Variants in DNAH10 observed in about 807,000 individuals in gnomAD.
DNAH10 encodes the protein axonemal beta dynein heavy chain 10.
Under a neutral mutation model 506.6 loss-of-function variants are expected in DNAH10, and 348 were observed. That is an observed-to-expected ratio of 0.69 (90% CI 0.63 to 0.75). The LOEUF (loss-of-function observed/expected upper bound fraction) is 0.75. Ranked by LOEUF, DNAH10 falls within the 30% of genes least tolerant of loss-of-function variation. The pLI is 0.00. For missense variants in DNAH10, 5,179 were observed against 5,787.1 expected, an observed-to-expected ratio of 0.89 and a Z score of 3.41; for synonymous variants, 2,059 against 2,198.6, an observed-to-expected ratio of 0.94 and a Z score of 1.78.
At chr12:123,836,344 A>G (rs1216264951) in intron 28 of DNAH10, among the ~76,000 whole-genome samples, 1 of 152,252 alleles carries the variant, frequency 6.6e-6, no homozygotes, top group Non-Finnish European at 1.5e-5. Flanking sequence ...ATTACTCTCC[A>G]GTAATTTGAC....
intron 24 of DNAH10, among the ~76,000 whole-genome samples, chr12:123,823,856 G>A (rs1196849469): frequency 1.3e-5 from 2 of 151,676 alleles, no homozygotes; most frequent in African/African-American, 4.8e-5. Flanking sequence ...CATTCTTTCT[G>A]GTTTTTTTTT....
At chr12:123,814,523 T>G (rs1235079638) in intron 21 of DNAH10, among the ~76,000 whole-genome samples, 1 of 152,140 alleles carries the variant, frequency 6.6e-6, no homozygotes, top group Non-Finnish European at 1.5e-5. Context: ...ATAGAAATGC[T>G]GAAAGACAAA....
At chr12:123,911,274 T>G (rs1954060185) in intron 59 of DNAH10, among the ~76,000 whole-genome samples, 1 of 52,504 alleles carries the variant, frequency 1.9e-5, no homozygotes, top group Admixed American at 1.8e-4. Flanking sequence ...GTGGGGGGTC[T>G]GTCCTGGGGG....
chr12:123,785,247 G>A lies in DNAH10; in HGVS notation c.1231-499G>A, dbSNP rs546447745. ...TTTTTCCGTATCTTCACCACCACTTGTTATCGTCTTTCTGATAATAGCCAT... is the reference window on the plus strand; with the variant it reads ...TTTTTCCGTATCTTCACCACCACTTATTATCGTCTTTCTGATAATAGCCAT... On this transcript the variant is annotated intron_variant, in intron 8 of 78. Coordinates refer to ENST00000673944, the MANE Select transcript of DNAH10 (RefSeq NM_001372106.1). The surrounding 1 kb of genome is among the most constrained non-coding windows in gnomAD (Gnocchi z 4.1). 3.9e-5 allele frequency among the ~76,000 whole-genome samples: 6 copies of A among 152,250 alleles called. No individual in the cohort carries two copies. The South Asian group carries it at 1.2e-3, about 32-fold the overall frequency.
chr12:123,915,217 C>G (rs1055544632), intron 62 of DNAH10, among the ~76,000 whole-genome samples: 4 of 112,224 alleles, frequency 3.6e-5, no homozygotes, highest in Non-Finnish European at 7.5e-5. Flanking sequence ...CTGCCTCTCC[C>G]CTCGCAGGCT....
chr12:123,914,274 T>G, intron 60 of DNAH10, 55 bp from the exon 61 acceptor site: 1 of 1,518,940 alleles, frequency 6.6e-7, no homozygotes, highest in Non-Finnish European at 9.0e-7. Flanking sequence ...GAATGTTCCT[T>G]TTGGTTGTGG....
chr12:123,832,940 G>A (rs1267715389), intron 26 of DNAH10, among the ~76,000 whole-genome samples, 174 bp from the exon 27 acceptor site: 4 of 152,172 alleles, frequency 2.6e-5, no homozygotes, highest in Non-Finnish European at 5.9e-5. Context: ...GCCACATAGC[G>A]AATGCTTGAT....
At chr12:123,855,582 C>T (rs898594360) in intron 36 of DNAH10, among the ~76,000 whole-genome samples, 2 of 147,360 alleles carry the variant, frequency 1.4e-5, no homozygotes, top group South Asian at 2.1e-4. Flanking sequence ...TGCAATGAGC[C>T]GAGATGGCAC....
At chr12:123,800,171 C>T in intron 14 of DNAH10, 45 bp from the exon 15 acceptor site, 1 of 1,590,406 alleles carries the variant, frequency 6.3e-7, no homozygotes, top group Non-Finnish European at 8.6e-7. Context: ...ATCCAACTGT[C>T]TCTTGGACTG....
intron 19 of DNAH10, among the ~76,000 whole-genome samples, chr12:123,812,869 A>C (rs1317121853): frequency 6.6e-6 from 1 of 152,146 alleles, no homozygotes; most frequent in Non-Finnish European, 1.5e-5. Context: ...TTCTGAGAGC[A>C]TGAGAGCAGA....
chr12:123,773,529 C>T (rs1004325633), intron 4 of DNAH10, among the ~76,000 whole-genome samples: 3 of 152,192 alleles, frequency 2.0e-5, no homozygotes, highest in Non-Finnish European at 4.4e-5. Context: ...CACCAACAAA[C>T]ATCTATTTCT....
At chr12:123,930,813 T>C (rs184274761) in intron 73 of DNAH10, among the ~76,000 whole-genome samples, 1 of 152,262 alleles carries the variant, frequency 6.6e-6, no homozygotes, top group African/African-American at 2.4e-5. Context: ...ATGGCCACAG[T>C]GAAGCTCACT....
intron 64 of DNAH10, among the ~76,000 whole-genome samples, chr12:123,918,237 C>T (rs146398487): frequency 6.6e-6 from 1 of 152,350 alleles, no homozygotes; most frequent in Non-Finnish European, 1.5e-5. Context: ...GGTCTGGCCT[C>T]ACGTCCTCTC....
intron 12 of DNAH10, 47 bp from the exon 13 acceptor site, chr12:123,796,609 A>G: frequency 6.6e-7 from 1 of 1,516,508 alleles, no homozygotes; most frequent in South Asian, 1.3e-5. Flanking sequence ...TTCTTGGCTA[A>G]CCTGGCGATG....
chr12:123,783,325 G>C (rs1056618888), intron 7 of DNAH10, 61 bp downstream of exon 7: 4 of 1,593,958 alleles, frequency 2.5e-6, no homozygotes, highest in Non-Finnish European at 3.4e-6. Flanking sequence ...TGCTGGGAAA[G>C]AGCCCGGAGT....
In DNAH10 at chr12:123,913,402, C is replaced by A; in HGVS notation, c.10352+87C>A. 7.3e-7 allele frequency: 1 copy of A among 1,376,060 alleles called. No homozygotes were observed. 85.2% of individuals were successfully genotyped at this position (1,376,060 alleles called of 1,614,324 possible). Reference sequence around the variant, plus strand: ...CTCGCCATGTTGATTCTTTATCTCACGTTGTGTTTTTATGTGAAAACCATG... The same window carrying A: ...CTCGCCATGTTGATTCTTTATCTCAAGTTGTGTTTTTATGTGAAAACCATG... On this transcript the variant is annotated intron_variant, in intron 60 of 78. Transcript: ENST00000673944. This position sits in a 1 kb window ranked among gnomAD's most constrained non-coding sequence, Gnocchi z 5.1.
intron 1 of DNAH10, among the ~76,000 whole-genome samples, chr12:123,764,967 T>C (rs1188774942): frequency 6.6e-6 from 1 of 152,132 alleles, no homozygotes; most frequent in Non-Finnish European, 1.5e-5. Context: ...TTGTTAAACC[T>C]ACAGGCTCAT....
At chr12:123,798,429 G>C (rs959474911) in intron 13 of DNAH10, among the ~76,000 whole-genome samples, 2 of 152,172 alleles carry the variant, frequency 1.3e-5, no homozygotes, top group African/African-American at 4.8e-5. Context: ...ACTTTCACTT[G>C]AGCAGATCTC....
chr12:123,805,153 C>A, intron 18 of DNAH10, 113 bp downstream of exon 18: 1 of 1,132,404 alleles, frequency 8.8e-7, no homozygotes, highest in Non-Finnish European at 1.2e-6. Context: ...GTTGGATGGT[C>A]AGAGGCTTTC....
Sources: gnomAD v4.1 joint callset for allele counts (sites outside exome capture counted in the v4.1 genomes callset) on GRCh38, gnomAD v4.1.1 for gene constraint, Gnocchi (gnomAD v3.1) non-coding constraint, MANE v1.5 for transcripts, NCBI Gene and HGNC (gene_info 2026-07-23, HGNC 2026-07-21) for gene names.